The following BAZ1B variants were observed in gnomAD, a reference collection of about 807,000 sequenced individuals.
BAZ1B encodes the protein tyrosine-protein kinase BAZ1B.
Under a neutral mutation model 153.8 loss-of-function variants are expected in BAZ1B, and 22 were observed. The ratio of observed to expected loss-of-function variants is 0.14; its 90% CI spans 0.10 to 0.20. The LOEUF is 0.20. Ranked by LOEUF, BAZ1B falls within the 10% of genes least tolerant of loss-of-function variation. The pLI, the probability that BAZ1B is intolerant of heterozygous loss-of-function variation, is 1.00. For synonymous variants in BAZ1B, 676 were observed against 633.4 expected (o/e 1.07, Z -1.01); for missense variants, 1,325 against 1,799.3 (o/e 0.74, Z 4.77).
In BAZ1B at chr7:73,444,141, A is replaced by G. The variant is rs1787737026; in HGVS notation, c.3845-12T>C. ...CTTTCGAGGTCTCACTGAAAGAAAA[A>G]CTATGGATTCAGCAGAGAACAACGG... is the stretch of plus-strand genomic sequence containing the variant. On this transcript the variant is annotated splice_polypyrimidine_tract_variant and intron_variant, in intron 16 of 19. Transcript: ENST00000339594. The G allele has an allele frequency of 6.3e-7, 1 of 1,586,036 alleles. No individual in the cohort carries two copies. The highest frequency in any genetic ancestry group is 1.1e-5 in the South Asian group (1 of 88,012).
At chr7:73,444,805 G>A (rs113452856) in intron 16 of BAZ1B, among the ~76,000 whole-genome samples, 3,367 of 151,874 alleles carry the variant, frequency 0.022, 52 homozygotes, top group South Asian at 0.032. Context: ...ACCTGAGGTC[G>A]GGAGTTCAAG....
At chr7:73,476,432 GCTTCAAATAC>G (rs782457470) in intron 7 of BAZ1B, among the ~76,000 whole-genome samples, 69 of 152,274 alleles carry the variant, frequency 4.5e-4, no homozygotes, top group Non-Finnish European at 8.5e-4. Context: ...CGTGCTAGGG[GCTTCAAATAC>G]CTTGTCAATC....
chr7:73,472,600 G>T (rs888718200), intron 7 of BAZ1B, among the ~76,000 whole-genome samples: 1 of 151,930 alleles, frequency 6.6e-6, no homozygotes, highest in Non-Finnish European at 1.5e-5. Context: ...GTTTTGAGAC[G>T]GAGTCTCACC....
In BAZ1B at chr7:73,518,407, C is replaced by T. The variant is rs191243121; in HGVS notation, c.107+3420G>A. ...CAGCCTGGGCGACAGAGCGAGACTC[C>T]GTCTCAAAAAATAAATAAATAAATA... On this transcript the variant is annotated intron_variant, in intron 1 of 19. Transcript: ENST00000339594. 2.8e-3 allele frequency among the ~76,000 whole-genome samples: 426 copies of T among 150,880 alleles called. 1 individual carries two copies. Among genetic ancestry groups the T allele is most frequent in the African/African-American group, 0.01 (413 of 41,054 alleles).
rs1436622568 is a variant in BAZ1B, at chr7:73,466,378, T to C, written c.2890A>G (p.Asn964Asp). Residue 964 changes from asparagine to aspartate, a missense_variant, in exon 10 of 20, where the codon AAT becomes GAT. Coordinates refer to ENST00000339594, the MANE Select transcript of BAZ1B (RefSeq NM_032408.4). ...CCATGTTGTGTGTTCATGCTTGCATTTTTACCTAAGTTTGCTTTCTTACCT... is the reference window on the plus strand; with the variant it reads ...CCATGTTGTGTGTTCATGCTTGCATCTTTACCTAAGTTTGCTTTCTTACCT... The part of the protein sequence containing the change: ...PRSKKANLGK[N>D]ASMNTQHGTA... The C allele has an allele frequency of 1.9e-6, 3 of 1,613,728 alleles. No individual in the cohort carries two copies. Among genetic ancestry groups the C allele is most frequent in the Non-Finnish European group, 2.5e-6 (3 of 1,179,822 alleles).
chr7:73,451,080 A>G, intron 13 of BAZ1B, 86 bp from the exon 14 acceptor site: 1 of 1,486,080 alleles, frequency 6.7e-7, no homozygotes, highest in Non-Finnish European at 9.1e-7. Flanking sequence ...GTATGAGAGA[A>G]TTCTGAGGAC....
intron 2 of BAZ1B, among the ~76,000 whole-genome samples, chr7:73,509,995 T>A (rs1790511854): frequency 6.7e-6 from 1 of 149,386 alleles, no homozygotes; most frequent in African/African-American, 2.5e-5. Context: ...GGCGTGGTGG[T>A]GAGCGCCTGT....
intron 7 of BAZ1B, among the ~76,000 whole-genome samples, chr7:73,474,567 G>T (rs879998848): frequency 8.5e-5 from 13 of 152,190 alleles, no homozygotes; most frequent in Non-Finnish European, 1.5e-4. Context: ...CTGAGGTCAG[G>T]AGTTCGAGAC....
intron 3 of BAZ1B, among the ~76,000 whole-genome samples, chr7:73,501,038 C>T (rs1430854419): frequency 6.6e-6 from 1 of 152,094 alleles, no homozygotes; most frequent in Non-Finnish European, 1.5e-5. Context: ...AGGCGGATCA[C>T]CTGAGGTCGG....
intron 2 of BAZ1B, among the ~76,000 whole-genome samples, 185 bp from the exon 3 acceptor site, chr7:73,508,656 ATCC>A (rs1554578163): frequency 1.3e-5 from 2 of 152,112 alleles, no homozygotes; most frequent in African/African-American, 2.4e-5. Context: ...GGCTCGAACA[ATCC>A]TCCTACCTCT....
At chr7:73,444,170 G>A (rs782670088) in intron 16 of BAZ1B, 41 bp from the exon 17 acceptor site, 1 of 1,536,434 alleles carries the variant, frequency 6.5e-7, no homozygotes, top group Non-Finnish European at 8.7e-7. Context: ...ACAACGGAAG[G>A]TGAAGGGAGG....
At chr7:73,488,979 T>C (rs1554574949) in intron 6 of BAZ1B, among the ~76,000 whole-genome samples, 2 of 152,160 alleles carry the variant, frequency 1.3e-5, no homozygotes, top group Non-Finnish European at 2.9e-5. Flanking sequence ...TATGCTAGCA[T>C]AATAAAAAAT....
chr7:73,489,279 T>C lies in BAZ1B; in HGVS notation c.806A>G (p.Asn269Ser), dbSNP rs781861136. 2 of 1,614,176 alleles carry C rather than the reference T, an allele frequency of 1.2e-6. No individual in the cohort carries two copies. The highest frequency in any genetic ancestry group is 1.7e-6 in the Non-Finnish European group (2 of 1,180,030). ...HNALRAGTGE[N>S]APWVVEDELV... is the part of the protein sequence containing the mutation. ...TTCATCTTCTACGACCCAAGGTGCA[T>C]TTTCACCAGTACCAGCTCGTAATGC... Residue 269 changes from asparagine to serine, a missense_variant, in exon 6 of 20, where the codon AAT (asparagine) becomes AGT (serine). This residue lies in a region of BAZ1B where 219 missense variants were observed against 248.2 expected (regional missense o/e 0.88). Transcript: ENST00000339594.
At chr7:73,514,754 T>C (rs1194533410) in intron 1 of BAZ1B, among the ~76,000 whole-genome samples, 5 of 151,600 alleles carry the variant, frequency 3.3e-5, no homozygotes, top group African/African-American at 4.9e-5. Context: ...TGCAGTGAGC[T>C]GTGATGGAGA....
At chr7:73,511,603 T>C (rs993433037) in intron 1 of BAZ1B, among the ~76,000 whole-genome samples, 6 of 152,108 alleles carry the variant, frequency 3.9e-5, no homozygotes, top group Non-Finnish European at 7.4e-5. Context: ...AAAGTTTCAT[T>C]ACACAAGACT....
At chr7:73,459,900 A>G (rs1482649245) in intron 12 of BAZ1B, among the ~76,000 whole-genome samples, 182 bp from the exon 13 acceptor site, 1 of 152,208 alleles carries the variant, frequency 6.6e-6, no homozygotes, top group African/African-American at 2.4e-5. Context: ...CATGCATTTA[A>G]AAGTACTTGA....
Position 73,477,244 on chromosome 7 carries a change from C to T in BAZ1B, c.2217G>A (p.Glu739=). 6.2e-7 allele frequency: 1 copy of T among 1,614,220 alleles called. No homozygotes were observed. The highest frequency in any genetic ancestry group is 8.5e-7 in the Non-Finnish European group (1 of 1,180,040). The change falls in exon 7 of 20, where the codon GAG becomes GAA. Residue 739 remains glutamate, a synonymous_variant. Coordinates refer to ENST00000339594, the MANE Select transcript of BAZ1B (RefSeq NM_032408.4). The surrounding 1 kb of genome is among the most constrained non-coding windows in gnomAD (Gnocchi z 5.6). Reference sequence around the variant, plus strand: ...TCTGTAGCTTCTCCTCTGACGTCAGCTCAAAAAATTCAGAGGTCTCCAGCT... The same window carrying T: ...TCTGTAGCTTCTCCTCTGACGTCAGTTCAAAAAATTCAGAGGTCTCCAGCT... ...LEKLETSEFF[E]LTSEEKLQIL...
At chr7:73,512,351 T>C (rs1554578712) in intron 1 of BAZ1B, among the ~76,000 whole-genome samples, 1 of 152,050 alleles carries the variant, frequency 6.6e-6, no homozygotes, top group African/African-American at 2.4e-5. Context: ...GTATTTTATG[T>C]GTGGCCCGAG....
chr7:73,508,452 C>T lies in BAZ1B; in HGVS notation c.244G>A (p.Ala82Thr). The T allele has an allele frequency of 6.2e-7, 1 of 1,611,592 alleles. No homozygotes were observed. Among genetic ancestry groups the T allele is most frequent in the East Asian group, 2.2e-5 (1 of 44,850 alleles). Residue 82 changes from alanine (A) to threonine (T), a missense_variant, in exon 3 of 20, where the codon GCC becomes ACC. Physicochemically the swap from Ala to Thr is moderately conservative, Grantham distance 58. Transcript: ENST00000339594. ...TCCAGAACAAGCTTCTCATACCAGG[C>T]AGGAAACTCCTCCTTCAAACTAAAT... ...VAELLKEEFP[A>T]WYEKLVLEMV...
Sources: allele counts gnomAD v4.1 joint callset (sites outside exome capture counted in the v4.1 genomes callset), GRCh38; gene constraint gnomAD v4.1.1; regional missense constraint gnomAD v4.1.1; non-coding constraint Gnocchi (gnomAD v3.1); transcripts MANE v1.5; gene names NCBI Gene and HGNC (gene_info 2026-07-23, HGNC 2026-07-21).